Variants in NR6A1 observed in about 807,000 individuals in gnomAD.
The protein encoded by NR6A1 is retinoic acid receptor-related testis-associated receptor.
Under a neutral mutation model 59.1 loss-of-function variants are expected in NR6A1, and 7 were observed. That is an observed-to-expected ratio of 0.12 (90% CI 0.07 to 0.22). The LOEUF (loss-of-function observed/expected upper bound fraction) is 0.22. NR6A1 is among the 10% of genes least tolerant of loss of function. The pLI, the probability that NR6A1 is intolerant of heterozygous loss-of-function variation, is 1.00. For synonymous variants in NR6A1, 243 were observed against 236.1 expected (o/e 1.03, Z -0.27); for missense variants, 468 against 611.6 (o/e 0.77, Z 2.48).
chr9:124,532,595 GAACT>G (rs1833133060), intron 7 of NR6A1, among the ~76,000 whole-genome samples: 1 of 152,176 alleles, frequency 6.6e-6, no homozygotes. Context: ...CATGGAATCA[GAACT>G]AACATGTTGA....
Position 124,585,874 on chromosome 9 carries a change from T to A in NR6A1, c.143-31304A>T, listed in dbSNP as rs752332808. 5.8e-4 allele frequency among the ~76,000 whole-genome samples: 88 copies of A among 152,188 alleles called. 1 individual carries two copies. Among genetic ancestry groups the A allele is most frequent in the Non-Finnish European group, 4.1e-4 (28 of 68,034 alleles). On this transcript the variant is annotated intron_variant, in intron 2 of 9. Transcript: ENST00000487099. ...TGTTAAATCTACTCTACCTGTGTTC[T>A]ATAAATGGAACAACAAAGCCTGGAT...
intron 2 of NR6A1, among the ~76,000 whole-genome samples, chr9:124,587,716 G>GA (rs929555056): frequency 1.3e-5 from 2 of 152,208 alleles, no homozygotes; most frequent in South Asian, 4.1e-4. Flanking sequence ...AATGTTCAGA[G>GA]AAAGTGCTGG....
intron 2 of NR6A1, chr9:124,599,540 G>T (rs999152775): frequency 1.7e-5 from 11 of 638,800 alleles, no homozygotes; most frequent in Non-Finnish European, 2.8e-5. Context: ...ATTCTCAATG[G>T]AAGTATCGTG....
chr9:124,688,639 T>C (rs948910949), intron 2 of NR6A1, among the ~76,000 whole-genome samples: 4 of 152,188 alleles, frequency 2.6e-5, no homozygotes, highest in Non-Finnish European at 4.4e-5. Flanking sequence ...CGTAACAAGA[T>C]GGAGATCAAA....
intron 2 of NR6A1, among the ~76,000 whole-genome samples, chr9:124,664,336 A>C (rs1837538308): frequency 6.6e-6 from 1 of 152,238 alleles, no homozygotes; most frequent in African/African-American, 2.4e-5. Context: ...TTTCTCCCAG[A>C]AATTGGCTGA....
chr9:124,595,938 G>A (rs1023050192), intron 2 of NR6A1: 3 of 581,610 alleles, frequency 5.2e-6, no homozygotes, highest in Admixed American at 2.9e-5. Flanking sequence ...TGATTGCAAA[G>A]TTCAGGCTCT....
chr9:124,703,102 A>C (rs1839013689), intron 2 of NR6A1, among the ~76,000 whole-genome samples: 1 of 151,868 alleles, frequency 6.6e-6, no homozygotes, highest in South Asian at 2.1e-4. Context: ...ACAGGGTTTC[A>C]CCATGTTGGT....
rs1433619816 is a variant in NR6A1 at position 124,521,471 on chromosome 9, C to A, written c.*1234G>T. On this transcript the variant is annotated 3_prime_UTR_variant, in exon 10 of 10. Transcript: ENST00000487099. ...GGCCTTGGGCTTTGTGTCCTGGGTC[C>A]CTGAGGAAAACTGGTCTCACTCTGG... 1 of 152,396 alleles carries A rather than the reference C, an allele frequency of 6.6e-6. No homozygotes were observed. Among genetic ancestry groups the A allele is most frequent in the Admixed American group, 6.5e-5 (1 of 15,288 alleles). The allele number at this position is 152,396 out of a possible 1,614,324, so 9.4% of individuals were successfully genotyped here.
chr9:124,625,481 C>G (rs1231349031), intron 2 of NR6A1, among the ~76,000 whole-genome samples: 7 of 152,282 alleles, frequency 4.6e-5, no homozygotes, highest in Non-Finnish European at 1.0e-4. Flanking sequence ...TATGCGCCAC[C>G]ATGTCTGGCT....
chr9:124,524,204 G>A (rs938273023), intron 9 of NR6A1, among the ~76,000 whole-genome samples: 3 of 151,992 alleles, frequency 2.0e-5, no homozygotes, highest in Non-Finnish European at 4.4e-5. Context: ...TGATCCTCTC[G>A]CCCCAGCCTC....
chr9:124,734,305 G>A (rs1439856871), intron 1 of NR6A1, among the ~76,000 whole-genome samples: 2 of 152,226 alleles, frequency 1.3e-5, no homozygotes, highest in Admixed American at 6.5e-5. Context: ...GACCTGCCTT[G>A]TTTTACAGCT....
At chr9:124,634,236 A>C (rs1045065252) in intron 2 of NR6A1, among the ~76,000 whole-genome samples, 5 of 152,248 alleles carry the variant, frequency 3.3e-5, no homozygotes, top group Admixed American at 1.3e-4. Flanking sequence ...TACAGTAGCA[A>C]AGTTTAAGCC....
chr9:124,605,297 G>GA (rs1442493359), intron 2 of NR6A1, among the ~76,000 whole-genome samples: 1 of 152,210 alleles, frequency 6.6e-6, no homozygotes, highest in East Asian at 1.9e-4. Flanking sequence ...AGATGGAGGA[G>GA]AAAATCTACA....
intron 2 of NR6A1, among the ~76,000 whole-genome samples, chr9:124,699,320 C>T (rs1483398497): frequency 6.6e-6 from 1 of 152,126 alleles, no homozygotes; most frequent in African/African-American, 2.4e-5. Flanking sequence ...ACCCATAACC[C>T]AGGGTTAAAA....
intron 2 of NR6A1, among the ~76,000 whole-genome samples, chr9:124,684,415 A>T (rs1388146339): frequency 6.6e-6 from 1 of 152,198 alleles, no homozygotes; most frequent in African/African-American, 2.4e-5. Flanking sequence ...TCAGCCCTTG[A>T]TTCCTGGTGC....
rs1041092372 is a variant in NR6A1 at position 124,518,336 on chromosome 9, G to T, written c.*4369C>A. ...CAAGTCTCATGGTGGCCCAGGTCTG[G>T]CCAAAGCAGAAGCCCCAGCTTGCTC... On this transcript the variant is annotated 3_prime_UTR_variant, in exon 10 of 10. Coordinates refer to ENST00000487099, the MANE Select transcript of NR6A1 (RefSeq NM_033334.4). 6.6e-6 allele frequency: 1 copy of T among 151,692 alleles called. No homozygotes were observed. Among genetic ancestry groups the T allele is most frequent in the Non-Finnish European group, 1.5e-5 (1 of 67,974 alleles). 9.4% of individuals were successfully genotyped at this position (151,692 alleles called of 1,614,324 possible). A position where few individuals can be genotyped will look rare whatever the true frequency, so the allele number is the denominator to read the frequency against.
intron 2 of NR6A1, among the ~76,000 whole-genome samples, chr9:124,640,127 C>T (rs1294307370): frequency 6.6e-6 from 1 of 152,156 alleles, no homozygotes; most frequent in Admixed American, 6.5e-5. Flanking sequence ...GCAGAACACA[C>T]TTTGAAAACA....
intron 1 of NR6A1, among the ~76,000 whole-genome samples, chr9:124,734,582 A>G (rs1391121623): frequency 6.6e-6 from 1 of 152,138 alleles, no homozygotes; most frequent in African/African-American, 2.4e-5. Context: ...AATCCCAGCT[A>G]ATCGGGAGGC....
chr9:124,604,336 A>C (rs1490995988), intron 2 of NR6A1, among the ~76,000 whole-genome samples: 4 of 151,978 alleles, frequency 2.6e-5, no homozygotes. Context: ...GTTCAGTGAA[A>C]GGCATCAACC....
Sources: allele counts gnomAD v4.1 joint callset (sites outside exome capture counted in the v4.1 genomes callset), GRCh38; gene constraint gnomAD v4.1.1; transcripts MANE v1.5; gene names NCBI Gene and HGNC (gene_info 2026-07-23, HGNC 2026-07-21).